Variants in LGR5 observed in about 807,000 individuals in gnomAD.
LGR5 encodes the protein leucine-rich repeat-containing G protein-coupled receptor 5.
Under a neutral mutation model 76.7 loss-of-function variants are expected in LGR5, and 54 were observed. The ratio of observed to expected loss-of-function variants is 0.70; its 90% CI spans 0.57 to 0.88. The LOEUF is 0.88. LGR5 is among the 40% of genes least tolerant of loss of function. The pLI, the probability that LGR5 is intolerant of heterozygous loss-of-function variation, is 0.00. For missense variants in LGR5, 1,078 were observed against 1,073.3 expected, an observed-to-expected ratio of 1.00 and a Z score of -0.06; for synonymous variants, 406 against 421.9, an observed-to-expected ratio of 0.96 and a Z score of 0.46.
intron 1 of LGR5, among the ~76,000 whole-genome samples, chr12:71,498,326 G>A (rs910851500): frequency 1.3e-5 from 2 of 152,150 alleles, no homozygotes; most frequent in Non-Finnish European, 2.9e-5. Flanking sequence ...TGTCCAGGCT[G>A]CTACAACAAA....
chr12:71,533,386 T>C (rs1372513931), intron 3 of LGR5, among the ~76,000 whole-genome samples: 1 of 151,936 alleles, frequency 6.6e-6, no homozygotes, highest in African/African-American at 2.4e-5. Context: ...TACATAAATA[T>C]TTAGCACAGC....
chr12:71,538,297 G>T (rs1876703698), intron 4 of LGR5, among the ~76,000 whole-genome samples: 1 of 152,172 alleles, frequency 6.6e-6, no homozygotes, highest in Non-Finnish European at 1.5e-5. Flanking sequence ...AGGATCACTT[G>T]AACCCAGGAG....
At chr12:71,539,185 G>T (rs912504316) in intron 4 of LGR5, among the ~76,000 whole-genome samples, 1 of 152,128 alleles carries the variant, frequency 6.6e-6, no homozygotes, top group East Asian at 1.9e-4. Flanking sequence ...TAGGCAAAAT[G>T]CATTTGAGAA....
chr12:71,493,770 C>CT (rs57504416), intron 1 of LGR5, among the ~76,000 whole-genome samples: 92,970 of 129,484 alleles, frequency 0.72, 34,122 homozygotes, highest in East Asian at 0.87. Context: ...AGTAAATAAG[C>CT]TTTTTTTTTT....
chr12:71,501,599 C>G (rs1874608698), intron 1 of LGR5, among the ~76,000 whole-genome samples: 1 of 152,178 alleles, frequency 6.6e-6, no homozygotes, highest in Admixed American at 6.6e-5. Context: ...AGGACCCACC[C>G]CAGGCCACAG....
chr12:71,556,696 T>C lies in LGR5; in HGVS notation c.716+6T>C. On this transcript the variant is annotated splice_donor_region_variant and intron_variant, in intron 6 of 17. Transcript: ENST00000266674. ...CTCCACAGCCTAGAGACTTTGTGAG[T>C]TGACCTTTTATTTGTTTCCCTTTTT... 2 of 1,599,058 alleles carry C rather than the reference T, an allele frequency of 1.3e-6. No homozygotes were observed. Among genetic ancestry groups the C allele is most frequent in the Non-Finnish European group, 8.6e-7 (1 of 1,166,372 alleles).
intron 13 of LGR5, among the ~76,000 whole-genome samples, chr12:71,573,478 T>G (rs374228289): frequency 2.0e-5 from 3 of 152,198 alleles, no homozygotes; most frequent in South Asian, 4.1e-4. Context: ...AACTAAGATT[T>G]GTAAATACTT....
chr12:71,478,307 G>A lies in LGR5; in HGVS notation c.213-26307G>A, dbSNP rs186407420. Among the ~76,000 whole-genome samples, 46 of 152,302 alleles carry A rather than the reference G, an allele frequency of 3.0e-4. 2 individuals are homozygous for A. In the South Asian group the frequency reaches 4.3e-3, roughly 14 times the overall value. On this transcript the variant is annotated intron_variant, in intron 1 of 17. Coordinates refer to ENST00000266674, the MANE Select transcript of LGR5 (RefSeq NM_003667.4). ...TATAAATGAATGTTCTATGGCAGAC[G>A]TTAAGGAAAGACAGATGACCAACTT... is the stretch of plus-strand genomic sequence containing the variant.
At chr12:71,468,974 G>A (rs1872975660) in intron 1 of LGR5, among the ~76,000 whole-genome samples, 6 of 152,138 alleles carry the variant, frequency 3.9e-5, no homozygotes, top group Admixed American at 3.9e-4. Flanking sequence ...AATATTAAAA[G>A]TGTAATGTCA....
intron 1 of LGR5, among the ~76,000 whole-genome samples, chr12:71,473,475 T>C (rs1361855184): frequency 6.6e-6 from 1 of 152,132 alleles, no homozygotes; most frequent in Non-Finnish European, 1.5e-5. Flanking sequence ...GTTTTATTCA[T>C]TTAAAAAAAA....
Position 71,583,865 on chromosome 12 carries a change from T to A in LGR5, c.1855T>A (p.Phe619Ile), listed in dbSNP as rs752660149. 3 of 1,614,076 alleles carry A rather than the reference T, an allele frequency of 1.9e-6. No individual in the cohort carries two copies. The highest frequency in any genetic ancestry group is 3.3e-5 in the Admixed American group (2 of 60,020). Residue 619 changes from phenylalanine to isoleucine, a missense_variant, in exon 18 of 18, where the codon TTC becomes ATC. Physicochemically the swap from Phe to Ile is conservative, Grantham distance 21. Coordinates refer to ENST00000266674, the MANE Select transcript of LGR5 (RefSeq NM_003667.4). ...TGCCGTGCTGGCTGGTGTGGATGCG[T>A]TCACTTTTGGCAGCTTTGCACGACA... is the stretch of plus-strand genomic sequence containing the variant. ...SSAVLAGVDA[F>I]TFGSFARHGA...
At position 71,580,517 on chromosome 12, in the gene LGR5, C is replaced by T. The variant is rs79237144; in HGVS notation, c.1552+94C>T. 8.8e-4 allele frequency: 1,156 copies of T among 1,317,412 alleles called. 6 individuals carry two copies. The African/African-American group carries it at 0.014, about 16-fold the overall frequency. 81.6% of individuals were successfully genotyped at this position (1,317,412 alleles called of 1,614,324 possible). A position where few individuals can be genotyped will look rare whatever the true frequency, so the allele number is the denominator to read the frequency against. ...TTTGATGAAAAGTCATCGAACAGGC[C>T]GGGTGTGGTGGCACACACCTGTAAT... On this transcript the variant is annotated intron_variant, in intron 16 of 17. Transcript: ENST00000266674.
chr12:71,566,882 T>C lies in LGR5; in HGVS notation c.1040T>C (p.Val347Ala), dbSNP rs1878375395. 6.2e-7 allele frequency: 1 copy of C among 1,613,760 alleles called. No homozygotes were observed. The highest frequency in any genetic ancestry group is 1.3e-5 in the African/African-American group (1 of 74,914). ...GAQISSLPQT[V>A]CNQLPNLQVL... is the part of the protein sequence containing the mutation. The stretch of plus-strand genomic sequence containing the variant: ...CAGATCTCATCTCTTCCTCAAACCG[T>C]CTGCAATCAGTTACCTAATCTCCAA... The change falls in exon 11 of 18, where the codon GTC becomes GCC. Residue 347 changes from valine (V) to alanine (A), a missense_variant. Physicochemically the swap from Val to Ala is moderately conservative, Grantham distance 64. Transcript: ENST00000266674.
At chr12:71,566,586 T>C in intron 9 of LGR5, 46 bp from the exon 10 acceptor site, 1 of 1,560,800 alleles carries the variant, frequency 6.4e-7, no homozygotes, top group East Asian at 2.2e-5. Flanking sequence ...AAATTACCCC[T>C]GTCTAGAATC....
rs1444433624 is a variant in LGR5 at position 71,541,312 on chromosome 12, T to C, written c.428+6126T>C. On this transcript the variant is annotated intron_variant, in intron 4 of 17. Transcript: ENST00000266674. ...AATAGCCATGCATGAAAGATTCTTATATCAGGTTACCTGCCAGTCCTGTGA... is the reference window on the plus strand; with the variant it reads ...AATAGCCATGCATGAAAGATTCTTACATCAGGTTACCTGCCAGTCCTGTGA... Among the ~76,000 whole-genome samples the C allele has an allele frequency of 2.6e-5, 4 of 152,220 alleles. No homozygotes were observed. In the East Asian group the frequency reaches 7.7e-4, roughly 29 times the overall value.
At chr12:71,563,578 C>T (rs1380951982) in intron 8 of LGR5, among the ~76,000 whole-genome samples, 1 of 152,198 alleles carries the variant, frequency 6.6e-6, no homozygotes, top group East Asian at 1.9e-4. Flanking sequence ...CCCCAAAGCT[C>T]TCCTCATTCA....
intron 5 of LGR5, among the ~76,000 whole-genome samples, chr12:71,555,572 C>T (rs145169433): frequency 3.2e-4 from 48 of 152,300 alleles, no homozygotes; most frequent in African/African-American, 1.0e-3. Context: ...CCTGTGCTCC[C>T]GCCCTGGGAA....
At chr12:71,576,324 G>A (rs1243537912) in intron 13 of LGR5, among the ~76,000 whole-genome samples, 1 of 152,176 alleles carries the variant, frequency 6.6e-6, no homozygotes, top group Non-Finnish European at 1.5e-5. Flanking sequence ...CAAAGGATGG[G>A]TGTGCAGAAA....
intron 1 of LGR5, among the ~76,000 whole-genome samples, chr12:71,494,705 C>T (rs557857584): frequency 6.6e-6 from 1 of 151,078 alleles, no homozygotes; most frequent in East Asian, 1.9e-4. Context: ...CCCATAATAT[C>T]CTGTCTTTTT....
Sources: allele counts gnomAD v4.1 joint callset (sites outside exome capture counted in the v4.1 genomes callset), GRCh38; gene constraint gnomAD v4.1.1; transcripts MANE v1.5; gene names NCBI Gene and HGNC (gene_info 2026-07-23, HGNC 2026-07-21).